Variants in FAT3 observed in about 807,000 individuals in gnomAD.
FAT3 encodes FAT atypical cadherin 3, also known as protocadherin Fat 3.
In FAT3, 95 loss-of-function variants were observed where a neutral mutation model predicts 310.2. The ratio of observed to expected loss-of-function variants is 0.31; its 90% confidence interval spans 0.26 to 0.36. The LOEUF is 0.36. FAT3 is among the 10% of genes least tolerant of loss of function. The probability of loss-of-function intolerance (pLI) is 1.00; values close to 1 mark genes in which losing one functional copy is unlikely to be tolerated. For missense variants in FAT3, 5,408 were observed against 5,715.6 expected (o/e 0.95, Z 1.74); for synonymous variants, 2,314 against 2,192.9 (o/e 1.06, Z -1.54).
At chr11:92,857,950 A>G (rs997360785) in intron 20 of FAT3, among the ~76,000 whole-genome samples, 5 of 152,182 alleles carry the variant, frequency 3.3e-5, no homozygotes, top group East Asian at 1.9e-4. Flanking sequence ...TTCAATTTCT[A>G]TACTTCATTT....
At chr11:92,407,492 C>G (rs549743848) in intron 2 of FAT3, among the ~76,000 whole-genome samples, 2 of 152,282 alleles carry the variant, frequency 1.3e-5, no homozygotes, top group Non-Finnish European at 2.9e-5. Flanking sequence ...CTTTTCAGCA[C>G]TTGTACCTTT....
At chr11:92,426,187 G>A (rs1482376264) in intron 2 of FAT3, among the ~76,000 whole-genome samples, 1 of 152,160 alleles carries the variant, frequency 6.6e-6, no homozygotes, top group East Asian at 1.9e-4. Context: ...GTTGTCTTTT[G>A]AGAAGTGTCT....
Position 92,801,414 on chromosome 11 carries a change from G to A in FAT3, c.8401G>A (p.Asp2801Asn). 6.2e-7 allele frequency: 1 copy of A among 1,613,924 alleles called. No homozygotes were observed. Among genetic ancestry groups the A allele is most frequent in the Non-Finnish European group, 8.5e-7 (1 of 1,179,866 alleles). The change falls in exon 10 of 28, where the codon GAT becomes AAT. Residue 2801 changes from aspartate (D) to asparagine (N), a missense_variant. Asp to Asn is a conservative substitution (Grantham distance 23). This residue lies in a region of FAT3 where 4,588 missense variants were observed against 4,809.8 expected (regional missense o/e 0.95). Coordinates refer to ENST00000525166, the MANE Select transcript of FAT3 (RefSeq NM_001367949.2). ...KVDIVFTVDV[D>N]IKVLDLNDNK... ...AGACATTGTGTTTACTGTGGATGTA[G>A]ATATCAAGGTATTGGATTTGAATGA...
intron 1 of FAT3, among the ~76,000 whole-genome samples, chr11:92,227,011 C>G (rs372090900): frequency 4.6e-5 from 7 of 152,330 alleles, no homozygotes; most frequent in Non-Finnish European, 8.8e-5. Flanking sequence ...CAACCCGCCC[C>G]GGCCCCAGCC....
intron 3 of FAT3, among the ~76,000 whole-genome samples, chr11:92,589,459 G>A (rs781377839): frequency 6.6e-6 from 1 of 152,062 alleles, no homozygotes; most frequent in Admixed American, 6.6e-5. Context: ...TGTGTTGAAT[G>A]AGTTGCTTCA....
chr11:92,628,762 C>A (rs1419075171), intron 3 of FAT3, among the ~76,000 whole-genome samples: 1 of 152,184 alleles, frequency 6.6e-6, no homozygotes, highest in Admixed American at 6.5e-5. Flanking sequence ...TTTGTAATAT[C>A]ATTCACAGTT....
chr11:92,619,797 T>TA lies in FAT3; in HGVS notation c.3608-77579dup, dbSNP rs895924365. Among the ~76,000 whole-genome samples the TA allele has an allele frequency of 5.9e-5, 9 of 151,862 alleles. No individual in the cohort carries two copies. The East Asian group carries it at 7.7e-4, about 13-fold the overall frequency. Reference sequence around the variant, plus strand: ...ATTTTGTCAAATTTGTTGAGCTTTTTAAAAAAAACACTTTTAGTTTTGTTG... The same window carrying TA: ...ATTTTGTCAAATTTGTTGAGCTTTTTAAAAAAAAACACTTTTAGTTTTGTTG... On this transcript the variant is annotated intron_variant, in intron 3 of 27. Coordinates refer to ENST00000525166, the MANE Select transcript of FAT3 (RefSeq NM_001367949.2).
intron 2 of FAT3, among the ~76,000 whole-genome samples, chr11:92,363,157 G>A (rs1419860321): frequency 1.3e-5 from 2 of 152,200 alleles, no homozygotes; most frequent in Non-Finnish European, 2.9e-5. Flanking sequence ...GCCAAGGAAA[G>A]AATAAAGGCA....
rs542141474 is a variant in FAT3 at position 92,893,590 on chromosome 11, G to A, written c.*2477G>A. On this transcript the variant is annotated 3_prime_UTR_variant, in exon 28 of 28. Transcript: ENST00000525166. ...TGACACAGTAATGAAAGAATAAATA[G>A]ATCCTAATGCAGTCATGAAGCCACT... 4 of 152,288 alleles carry A rather than the reference G, an allele frequency of 2.6e-5. No homozygotes were observed. In the South Asian group the frequency reaches 8.3e-4, roughly 32 times the overall value. 9.4% of individuals were successfully genotyped at this position (152,288 alleles called of 1,614,324 possible). A position where few individuals can be genotyped will look rare whatever the true frequency, so the allele number is the denominator to read the frequency against.
chr11:92,730,926 A>T (rs1002928557), intron 4 of FAT3, among the ~76,000 whole-genome samples: 6 of 152,174 alleles, frequency 3.9e-5, no homozygotes, highest in African/African-American at 1.2e-4. Context: ...AATTTCTTTA[A>T]AATGAGCAGA....
intron 2 of FAT3, among the ~76,000 whole-genome samples, chr11:92,389,664 T>A (rs1949704015): frequency 6.6e-6 from 1 of 152,152 alleles, no homozygotes; most frequent in African/African-American, 2.4e-5. Context: ...GTGAAGCACT[T>A]TACAATAATC....
At chr11:92,490,535 TTTTG>T (rs763070294) in intron 2 of FAT3, among the ~76,000 whole-genome samples, 12 of 152,034 alleles carry the variant, frequency 7.9e-5, no homozygotes, top group South Asian at 2.1e-4. Context: ...GTGGTGGGGT[TTTTG>T]TTTGTTTGTT....
At chr11:92,246,284 A>G (rs1443185771) in intron 1 of FAT3, among the ~76,000 whole-genome samples, 1 of 152,116 alleles carries the variant, frequency 6.6e-6, no homozygotes, top group East Asian at 1.9e-4. Context: ...ACAAATATGC[A>G]TGTAGGCAGA....
chr11:92,314,403 T>G, intron 1 of FAT3: 1 of 465,752 alleles, frequency 2.1e-6, no homozygotes, highest in Non-Finnish European at 2.8e-6. Flanking sequence ...AGGAAAATGC[T>G]GGACTGGTTT....
intron 24 of FAT3, among the ~76,000 whole-genome samples, chr11:92,885,825 G>A (rs1001648743): frequency 2.0e-5 from 3 of 152,144 alleles, no homozygotes; most frequent in Non-Finnish European, 4.4e-5. Flanking sequence ...GAAGCTCATC[G>A]TCATATTTTC....
intron 3 of FAT3, among the ~76,000 whole-genome samples, chr11:92,614,662 T>C (rs1182986935): frequency 6.6e-6 from 1 of 152,216 alleles, no homozygotes; most frequent in African/African-American, 2.4e-5. Context: ...CAATGCATTG[T>C]CTTTTCACTT....
chr11:92,597,763 T>C (rs183190139), intron 3 of FAT3, among the ~76,000 whole-genome samples: 62 of 152,278 alleles, frequency 4.1e-4, no homozygotes, highest in Non-Finnish European at 6.3e-4. Flanking sequence ...CAGACTGATA[T>C]GAATCAAAAT....
chr11:92,781,399 T>G (rs950222130), intron 7 of FAT3, among the ~76,000 whole-genome samples: 1 of 151,808 alleles, frequency 6.6e-6, no homozygotes, highest in Non-Finnish European at 1.5e-5. Flanking sequence ...TCCCTATAAC[T>G]CTGGGATACT....
chr11:92,311,002 A>G (rs1181495687), intron 1 of FAT3, among the ~76,000 whole-genome samples: 1 of 151,400 alleles, frequency 6.6e-6, no homozygotes, highest in Non-Finnish European at 1.5e-5. Context: ...TTATATGTGT[A>G]TGTATATATA....
Sources: gnomAD v4.1 joint callset for allele counts (sites outside exome capture counted in the v4.1 genomes callset) on GRCh38, gnomAD v4.1.1 for gene constraint, gnomAD v4.1.1 regional missense constraint, MANE v1.5 for transcripts, NCBI Gene and HGNC (gene_info 2026-07-23, HGNC 2026-07-21) for gene names.